The following NPFFR2 variants were observed in gnomAD, a reference collection of about 807,000 sequenced individuals.
NPFFR2 encodes the protein G-protein coupled receptor 74.
Under a neutral mutation model 13.1 loss-of-function variants are expected in NPFFR2, and 15 were observed. The observed-to-expected ratio is 1.15, with a 90% confidence interval of 0.77 to 1.76. The LOEUF is 1.76. Ranked by LOEUF, NPFFR2 falls within the 40% of genes most tolerant of loss-of-function variation. NPFFR2 has a pLI of 0.00. For missense variants in NPFFR2, 572 were observed against 503.5 expected (o/e 1.14, Z -1.30); for synonymous variants, 190 against 175.7 (o/e 1.08, Z -0.65).
intron 2 of NPFFR2, among the ~76,000 whole-genome samples, chr4:72,129,230 G>T (rs1415497663): frequency 6.6e-6 from 1 of 152,012 alleles, no homozygotes; most frequent in Admixed American, 6.6e-5. Flanking sequence ...TATGTGTAGG[G>T]GTGGGTTGCC....
At chr4:72,081,342 C>T (rs1720612609) in intron 1 of NPFFR2, among the ~76,000 whole-genome samples, 1 of 152,146 alleles carries the variant, frequency 6.6e-6, no homozygotes, top group African/African-American at 2.4e-5. Context: ...TGGCTCTTTA[C>T]AGAAAAGGTG....
intron 1 of NPFFR2, among the ~76,000 whole-genome samples, chr4:72,095,755 A>C (rs1721049228): frequency 6.6e-6 from 1 of 152,114 alleles, no homozygotes; most frequent in Admixed American, 6.6e-5. Context: ...CCTTTCCAGG[A>C]GTCTGTCCTG....
At position 72,147,904 on chromosome 4, in the gene NPFFR2, A is replaced by C; in HGVS notation, c.*92A>C. ...CTTTGCACTTCAAATTTTTCAAAGA[A>C]TGTTCTAAATAAAACATTTACTGAA... is the stretch of plus-strand genomic sequence containing the variant. On this transcript the variant is annotated 3_prime_UTR_variant, in exon 4 of 4. Coordinates refer to ENST00000308744, the MANE Select transcript of NPFFR2 (RefSeq NM_004885.3). 1.0e-6 allele frequency: 1 copy of C among 992,210 alleles called. No homozygotes were observed. The highest frequency in any genetic ancestry group is 1.6e-5 in the African/African-American group (1 of 60,694). The allele number at this position is 992,210 out of a possible 1,614,324, so 61.5% of individuals were successfully genotyped here.
chr4:72,038,471 C>A (rs963379403), intron 1 of NPFFR2, among the ~76,000 whole-genome samples: 3 of 152,120 alleles, frequency 2.0e-5, no homozygotes, highest in Non-Finnish European at 4.4e-5. Flanking sequence ...GATTATCCTG[C>A]ATCTTTTTAC....
At chr4:72,130,240 A>G (rs909854649) in intron 2 of NPFFR2, among the ~76,000 whole-genome samples, 9 of 152,190 alleles carry the variant, frequency 5.9e-5, no homozygotes, top group African/African-American at 1.4e-4. Flanking sequence ...AGTTCAGGGC[A>G]CATGTAAGAT....
chr4:72,085,594 A>G (rs115185434), intron 1 of NPFFR2, among the ~76,000 whole-genome samples: 1,655 of 152,254 alleles, frequency 0.011, 35 homozygotes, highest in African/African-American at 0.037. Context: ...ATGGTATTCT[A>G]CCATTAAATT....
rs1341571145 is a variant in NPFFR2, at chr4:72,127,355, C to CTTTTTTTTTTTTTTTTTTTTTT, written c.-7-1226_-7-1225insTTTTTTTTTTTTTTTTTTTTTT. 1.2e-4 allele frequency among the ~76,000 whole-genome samples: 11 copies of CTTTTTTTTTTTTTTTTTTTTTT among 91,202 alleles called. 2 individuals carry two copies. The highest frequency in any genetic ancestry group is 5.1e-4 in the African/African-American group (11 of 21,708). 59.8% of individuals were successfully genotyped at this position (91,202 alleles called of 152,430 possible). A position where few individuals can be genotyped will look rare whatever the true frequency, so the allele number is the denominator to read the frequency against. On this transcript the variant is annotated intron_variant, in intron 1 of 3. Transcript: ENST00000308744. ...AAGTCATACAGATTCTAAATAATTT[C>CTTTTTTTTTTTTTTTTTTTTTT]TTTTCTTTTTTTTTTTTTTTTTTTT...
intron 1 of NPFFR2, among the ~76,000 whole-genome samples, chr4:72,073,612 T>C (rs1009563003): frequency 6.6e-6 from 1 of 152,102 alleles, no homozygotes; most frequent in Non-Finnish European, 1.5e-5. Flanking sequence ...GTTAGTATTA[T>C]AACTTTAGTT....
intron 1 of NPFFR2, among the ~76,000 whole-genome samples, chr4:72,055,232 C>T (rs1420767401): frequency 6.6e-6 from 1 of 151,904 alleles, no homozygotes; most frequent in East Asian, 1.9e-4. Context: ...GCTATCAGTG[C>T]CATGTTCCCA....
intron 1 of NPFFR2, among the ~76,000 whole-genome samples, chr4:72,083,070 T>C (rs1047143109): frequency 6.6e-6 from 1 of 151,886 alleles, no homozygotes; most frequent in Non-Finnish European, 1.5e-5. Context: ...TGTGTGTGTA[T>C]AAACAACAGA....
chr4:72,118,280 C>A (rs1275996368), intron 1 of NPFFR2, among the ~76,000 whole-genome samples: 5 of 152,136 alleles, frequency 3.3e-5, no homozygotes, highest in Non-Finnish European at 5.9e-5. Flanking sequence ...TACCATAAGA[C>A]TATAATAAAC....
chr4:72,077,951 G>A (rs1481358886), intron 1 of NPFFR2, among the ~76,000 whole-genome samples: 1 of 152,050 alleles, frequency 6.6e-6, no homozygotes, highest in African/African-American at 2.4e-5. Flanking sequence ...GGTCATTTAT[G>A]TTGTGTGCAT....
intron 1 of NPFFR2, among the ~76,000 whole-genome samples, chr4:72,056,645 C>T (rs1719754647): frequency 6.6e-6 from 1 of 151,928 alleles, no homozygotes; most frequent in South Asian, 2.1e-4. Flanking sequence ...AAGCTAAAAA[C>T]CTTCTGGAAA....
Position 72,147,615 on chromosome 4 carries a change from A to T in NPFFR2, c.1066A>T (p.Arg356Ter). The T allele has an allele frequency of 5.6e-6, 9 of 1,614,204 alleles. No homozygotes were observed. Among genetic ancestry groups the T allele is most frequent in the Non-Finnish European group, 7.6e-6 (9 of 1,180,026 alleles). ...TTTCCAGCTCCAGCTCTGCCAAAAA[A>T]GAGCAAAGCCTATGGAAGCTTATGC... is the stretch of plus-strand genomic sequence containing the variant. ...EAFQLQLCQK[R>*]AKPMEAYALK... is the part of the protein sequence containing the mutation. Residue 356 changes from arginine (R) to a stop codon, truncating the protein, a stop_gained, in exon 4 of 4, where the codon AGA becomes TGA. Transcript: ENST00000308744. LOFTEE classifies it low-confidence loss of function (END_TRUNC).
At chr4:72,053,632 T>C (rs911183166) in intron 1 of NPFFR2, among the ~76,000 whole-genome samples, 3 of 151,918 alleles carry the variant, frequency 2.0e-5, no homozygotes, top group Non-Finnish European at 1.5e-5. Context: ...TATTTGTAAA[T>C]TGACTTTATA....
At position 72,050,523 on chromosome 4, in the gene NPFFR2, AT is replaced by A. The variant is rs541844587; in HGVS notation, c.-8+18325del. On this transcript the variant is annotated intron_variant, in intron 1 of 3. Coordinates refer to ENST00000308744, the MANE Select transcript of NPFFR2 (RefSeq NM_004885.3). Reference sequence around the variant, plus strand: ...ACTCTTTGCAGCAATAAAATACCAAATTCCAACCCGACTCTATTATAACATG... The same window carrying A: ...ACTCTTTGCAGCAATAAAATACCAAATCCAACCCGACTCTATTATAACATG... 2.6e-3 allele frequency among the ~76,000 whole-genome samples: 388 copies of A among 152,082 alleles called. 2 individuals carry two copies. Among genetic ancestry groups the A allele is most frequent in the African/African-American group, 9.1e-3 (376 of 41,520 alleles).
chr4:72,063,004 T>G (rs1719964729), intron 1 of NPFFR2, among the ~76,000 whole-genome samples: 1 of 152,204 alleles, frequency 6.6e-6, no homozygotes, highest in Non-Finnish European at 1.5e-5. Context: ...TTGTAATTAT[T>G]GCAGCAACAG....
intron 1 of NPFFR2, among the ~76,000 whole-genome samples, chr4:72,117,412 C>T (rs1341900587): frequency 6.6e-6 from 1 of 152,158 alleles, no homozygotes; most frequent in African/African-American, 2.4e-5. Context: ...GAGGTTTCAT[C>T]TTTAGAGTTT....
intron 1 of NPFFR2, among the ~76,000 whole-genome samples, chr4:72,068,185 T>G (rs1339609532): frequency 1.3e-5 from 2 of 152,180 alleles, no homozygotes; most frequent in Non-Finnish European, 2.9e-5. Context: ...GACTGAGTAA[T>G]TTTTAAAGAA....
Sources: gnomAD v4.1 joint callset for allele counts (sites outside exome capture counted in the v4.1 genomes callset) on GRCh38, gnomAD v4.1.1 for gene constraint, MANE v1.5 for transcripts, NCBI Gene and HGNC (gene_info 2026-07-23, HGNC 2026-07-21) for gene names.